Variants in XRCC4 observed in about 807,000 individuals in gnomAD.
The protein encoded by XRCC4 is X-ray repair cross complementing 4.
Under a neutral mutation model 39.1 loss-of-function variants are expected in XRCC4, and 28 were observed. The ratio of observed to expected loss-of-function variants is 0.72; its 90% confidence interval spans 0.53 to 0.98. The LOEUF is 0.98. Ranked by LOEUF, XRCC4 falls within the 50% of genes least tolerant of loss-of-function variation. XRCC4 has a pLI of 0.00. For synonymous variants in XRCC4, 123 were observed against 126.4 expected (o/e 0.97, Z 0.18); for missense variants, 350 against 376.4 (o/e 0.93, Z 0.58).
At chr5:83,142,750 T>C (rs987834712) in intron 3 of XRCC4, among the ~76,000 whole-genome samples, 5 of 152,336 alleles carry the variant, frequency 3.3e-5, no homozygotes, top group African/African-American at 1.2e-4. Context: ...GTTCTGTAGA[T>C]GGCAACTATG....
intron 7 of XRCC4, among the ~76,000 whole-genome samples, chr5:83,324,545 G>C (rs1342919325): frequency 6.6e-6 from 1 of 152,024 alleles, no homozygotes; most frequent in African/African-American, 2.4e-5. Context: ...TCAATATTTT[G>C]GGATTTCTTT....
rs116467800 is a variant in XRCC4, at chr5:83,184,854, T to G, written c.316-10916T>G. 2.2e-3 allele frequency among the ~76,000 whole-genome samples: 339 copies of G among 152,216 alleles called. 1 individual carries two copies. Among genetic ancestry groups the G allele is most frequent in the African/African-American group, 7.8e-3 (324 of 41,562 alleles). ...TTAAACTGACTCGAGAGTGTAGTTT[T>G]TTTTTACCCATAGATGTTATTTTTG... On this transcript the variant is annotated intron_variant, in intron 3 of 7. Coordinates refer to ENST00000396027, the MANE Select transcript of XRCC4 (RefSeq NM_003401.5).
the XRCC4 span, among the ~76,000 whole-genome samples, chr5:83,365,565 C>T: frequency 6.6e-6 from 1 of 152,078 alleles, no homozygotes; most frequent in African/African-American, 2.4e-5. Flanking sequence ...TACAGCCCTT[C>T]GTGAAAGCTG....
At chr5:83,184,983 A>G (rs775275934) in intron 3 of XRCC4, among the ~76,000 whole-genome samples, 94 of 152,220 alleles carry the variant, frequency 6.2e-4, no homozygotes, top group Non-Finnish European at 1.1e-3. Flanking sequence ...ACAGTTGTTT[A>G]TTCAGGATCC....
chr5:83,258,608 G>C lies in XRCC4; in HGVS notation c.824G>C (p.Arg275Pro). The change falls in exon 7 of 8, where the codon CGA (arginine) becomes CCA (proline). Residue 275 changes from arginine to proline, a missense_variant. Physicochemically the swap from Arg to Pro is moderately radical, Grantham distance 103. Coordinates refer to ENST00000396027, the MANE Select transcript of XRCC4 (RefSeq NM_003401.5). ...DIAPSRKRRQRMQRNLGTEPK... is the reference protein window; with the variant it reads ...DIAPSRKRRQPMQRNLGTEPK... ...GCACCAAGTAGAAAAAGGAGACAGC[G>C]AATGCAAAGAAATCTTGGGACAGAA... 1 of 1,611,390 alleles carries C rather than the reference G, an allele frequency of 6.2e-7. No individual in the cohort carries two copies. The highest frequency in any genetic ancestry group is 8.5e-7 in the Non-Finnish European group (1 of 1,179,114).
At chr5:83,197,637 C>T (rs1751008024) in intron 4 of XRCC4, among the ~76,000 whole-genome samples, 1 of 152,122 alleles carries the variant, frequency 6.6e-6, no homozygotes, top group South Asian at 2.1e-4. Flanking sequence ...CTCACAGATG[C>T]TTGATTTGCT....
rs28360342 is a variant in XRCC4 at position 83,353,343 on chromosome 5, T to C, written c.*101T>C. ...CAAGTCAGCAGCCGCTATTACCGTA[T>C]CTTACAATTTAATTACATACACAGT... On this transcript the variant is annotated 3_prime_UTR_variant, in exon 8 of 8. Transcript: ENST00000396027. 1.5e-3 allele frequency: 1,340 copies of C among 898,006 alleles called. 37 individuals carry two copies. The East Asian group carries it at 0.031, about 21-fold the overall frequency. The allele number at this position is 898,006 out of a possible 1,614,324, so 55.6% of individuals were successfully genotyped here. A position where few individuals can be genotyped will look rare whatever the true frequency, so the allele number is the denominator to read the frequency against.
At chr5:83,191,539 C>T (rs907522123) in intron 3 of XRCC4, among the ~76,000 whole-genome samples, 3 of 152,072 alleles carry the variant, frequency 2.0e-5, no homozygotes, top group African/African-American at 7.2e-5. Flanking sequence ...CCTGTATCTA[C>T]TAAAAATACA....
intron 3 of XRCC4, among the ~76,000 whole-genome samples, chr5:83,193,303 G>A (rs1750794332): frequency 6.6e-6 from 1 of 152,076 alleles, no homozygotes; most frequent in Non-Finnish European, 1.5e-5. Context: ...AGTATTTCAA[G>A]TAAAATCCTT....
intron 3 of XRCC4, among the ~76,000 whole-genome samples, chr5:83,182,893 C>A (rs1750266202): frequency 6.6e-6 from 1 of 152,154 alleles, no homozygotes; most frequent in Non-Finnish European, 1.5e-5. Context: ...CTTCCTAGCT[C>A]CTAGAACTGT....
intron 6 of XRCC4, among the ~76,000 whole-genome samples, chr5:83,233,093 T>G (rs745909662): frequency 6.6e-6 from 1 of 152,176 alleles, no homozygotes. Context: ...CAAGAGTTAA[T>G]GTAAAGAATA....
chr5:83,114,214 T>C (rs1338938907), intron 3 of XRCC4, among the ~76,000 whole-genome samples: 1 of 152,210 alleles, frequency 6.6e-6, no homozygotes, highest in Non-Finnish European at 1.5e-5. Flanking sequence ...GAGGGGCTCC[T>C]GTGAACATCT....
intron 7 of XRCC4, among the ~76,000 whole-genome samples, chr5:83,316,685 G>T: frequency 8.2e-6 from 1 of 121,506 alleles, no homozygotes; most frequent in African/African-American, 3.2e-5. Flanking sequence ...CAATACAGGA[G>T]CACCCAGATT....
intron 3 of XRCC4, among the ~76,000 whole-genome samples, chr5:83,112,745 G>A (rs1187141628): frequency 1.3e-5 from 2 of 150,846 alleles, no homozygotes; most frequent in Non-Finnish European, 3.0e-5. Context: ...AACATGTGCA[G>A]GGGAACTCCC....
chr5:83,202,511 A>T (rs1175507612), intron 4 of XRCC4, among the ~76,000 whole-genome samples: 1 of 152,202 alleles, frequency 6.6e-6, no homozygotes, highest in Admixed American at 6.5e-5. Flanking sequence ...GTTTAAGGGC[A>T]TGTATATAAA....
chr5:83,341,184 A>G (rs1224384284), intron 7 of XRCC4, among the ~76,000 whole-genome samples: 1 of 149,736 alleles, frequency 6.7e-6, no homozygotes, highest in Non-Finnish European at 1.5e-5. Flanking sequence ...AATATAATGT[A>G]TGTATAAGGT....
rs1053360225 is a variant in XRCC4, at chr5:83,173,263, T to C, written c.316-22507T>C. On this transcript the variant is annotated intron_variant, in intron 3 of 7. Transcript: ENST00000396027. ...TGTTGGGAGTCTGATTATGTTCCTA[T>C]ATGTTGACATTTTGATTAATGTTTT... 1.1e-4 allele frequency among the ~76,000 whole-genome samples: 17 copies of C among 152,174 alleles called. 1 individual carries two copies. The highest frequency in any genetic ancestry group is 4.1e-4 in the African/African-American group (17 of 41,444).
intron 7 of XRCC4, among the ~76,000 whole-genome samples, chr5:83,287,627 G>A (rs1002131308): frequency 6.6e-6 from 1 of 151,756 alleles, no homozygotes; most frequent in Non-Finnish European, 1.5e-5. Context: ...TGCTCTCAAT[G>A]TTTTGACCAT....
At chr5:83,206,684 AAAAG>A (rs1479601447) in intron 6 of XRCC4, among the ~76,000 whole-genome samples, 3 of 152,162 alleles carry the variant, frequency 2.0e-5, no homozygotes, top group Non-Finnish European at 2.9e-5. Flanking sequence ...GTTTTTAAAT[AAAAG>A]AAAGAATATG....
Sources: gnomAD v4.1 joint callset for allele counts (sites outside exome capture counted in the v4.1 genomes callset) on GRCh38, gnomAD v4.1.1 for gene constraint, MANE v1.5 for transcripts, NCBI Gene and HGNC (gene_info 2026-07-23, HGNC 2026-07-21) for gene names.